Variants in SPTB observed in about 807,000 individuals in gnomAD.
SPTB encodes spectrin beta chain, erythrocytic.
A neutral mutation model predicts 256.2 loss-of-function variants in SPTB; 45 were observed. The ratio of observed to expected loss-of-function variants is 0.18; its 90% CI spans 0.14 to 0.23. The LOEUF is 0.23. SPTB is among the 10% of genes least tolerant of loss of function. The pLI is 1.00. For missense variants in SPTB, 2,715 were observed against 3,040.4 expected, an observed-to-expected ratio of 0.89 and a Z score of 2.52; for synonymous variants, 1,231 against 1,243.1, an observed-to-expected ratio of 0.99 and a Z score of 0.21.
rs1368939589 is a variant in SPTB at position 64,816,111 on chromosome 14, G to A, written c.148+6836C>T. Among the ~76,000 whole-genome samples, 5 of 152,102 alleles carry A rather than the reference G, an allele frequency of 3.3e-5. No individual in the cohort carries two copies. The highest frequency in any genetic ancestry group is 7.2e-5 in the African/African-American group (3 of 41,414). On this transcript the variant is annotated intron_variant, in intron 2 of 35. Coordinates refer to ENST00000644917, the MANE Select transcript of SPTB (RefSeq NM_001355436.2). The surrounding 1 kb of genome is among the most constrained non-coding windows in gnomAD (Gnocchi z 4.2). ...GAGCCCTAAAAACCCAAATCTAACC[G>A]TGTCATTTCCCTGCTGAAAGTACTT... is the stretch of plus-strand genomic sequence containing the variant.
intron 20 of SPTB, among the ~76,000 whole-genome samples, chr14:64,780,353 C>T (rs994993882): frequency 1.3e-5 from 2 of 152,240 alleles, no homozygotes; most frequent in Non-Finnish European, 2.9e-5. Flanking sequence ...AAGCAATTTA[C>T]AGATTCAATG....
Position 64,773,461 on chromosome 14 carries a change from A to G in SPTB, c.4974-37T>C, listed in dbSNP as rs762647918. ...AACCAAAAAGGCCCTCAGAGACGGCAGCCACGAACCCAGAGCCGTGGCTCC... is the reference window on the plus strand; with the variant it reads ...AACCAAAAAGGCCCTCAGAGACGGCGGCCACGAACCCAGAGCCGTGGCTCC... On this transcript the variant is annotated intron_variant, in intron 24 of 35. Coordinates refer to ENST00000644917, the MANE Select transcript of SPTB (RefSeq NM_001355436.2). 8 of 1,608,234 alleles carry G rather than the reference A, an allele frequency of 5.0e-6. No individual in the cohort carries two copies. The South Asian group carries it at 8.8e-5, about 18-fold the overall frequency.
intron 9 of SPTB, among the ~76,000 whole-genome samples, chr14:64,798,249 C>G (rs182479803): frequency 4.3e-4 from 66 of 152,304 alleles, no homozygotes; most frequent in South Asian, 3.1e-3. Flanking sequence ...TGGTCAGTTC[C>G]TTATTAAGTG....
chr14:64,877,123 C>A (rs1210702815), intron 1 of SPTB, among the ~76,000 whole-genome samples: 1 of 151,020 alleles, frequency 6.6e-6, no homozygotes, highest in Admixed American at 6.6e-5. Flanking sequence ...CTGGCCACTT[C>A]CAGGACTGAA....
intron 6 of SPTB, 76 bp from the exon 7 acceptor site, chr14:64,801,476 G>A: frequency 9.0e-7 from 1 of 1,113,938 alleles, no homozygotes; most frequent in Non-Finnish European, 1.4e-6. Context: ...GCATGAAGCA[G>A]ACATTGTACA....
At chr14:64,869,581 A>C (rs1017141542) in intron 1 of SPTB, among the ~76,000 whole-genome samples, 3 of 151,072 alleles carry the variant, frequency 2.0e-5, no homozygotes, top group Non-Finnish European at 4.4e-5. Context: ...AACAGCTGGG[A>C]CTACAGGTGT....
rs1229934732 is a variant in SPTB, at chr14:64,758,433, G to A, written c.6346-4640C>T. 6.6e-6 allele frequency among the ~76,000 whole-genome samples: 1 copy of A among 152,252 alleles called. No individual in the cohort carries two copies. The highest frequency in any genetic ancestry group is 6.5e-5 in the Admixed American group (1 of 15,288). ...GGCCCCACCCCTTTAGGGTAGTGCA[G>A]AAGTGGCCTGAGGCCCTGCCTCAAG... is the stretch of plus-strand genomic sequence containing the variant. On this transcript the variant is annotated intron_variant, in intron 32 of 35. Coordinates refer to ENST00000644917, the MANE Select transcript of SPTB (RefSeq NM_001355436.2). The surrounding 1 kb of genome is among the most constrained non-coding windows in gnomAD (Gnocchi z 4.6).
chr14:64,788,917 T>G (rs1462178936), intron 15 of SPTB, among the ~76,000 whole-genome samples: 1 of 152,234 alleles, frequency 6.6e-6, no homozygotes, highest in East Asian at 1.9e-4. Flanking sequence ...CACACATTCA[T>G]CAAGTGTTTG....
Position 64,782,271 on chromosome 14 carries a change from C to T in SPTB, c.4266+19G>A, listed in dbSNP as rs2082484726. 1 of 1,614,012 alleles carries T rather than the reference C, an allele frequency of 6.2e-7. No homozygotes were observed. Among genetic ancestry groups the T allele is most frequent in the East Asian group, 2.2e-5 (1 of 44,900 alleles). The stretch of plus-strand genomic sequence containing the variant: ...TCCCTTCTATCCTAACACTCTGAGT[C>T]TACAACCCACTCACGTGCCTTCAGC... On this transcript the variant is annotated intron_variant, in intron 20 of 35. Transcript: ENST00000644917.
chr14:64,782,704 CT>C (rs1419486418), intron 19 of SPTB, 151 bp from the exon 20 acceptor site: 12 of 1,226,200 alleles, frequency 9.8e-6, no homozygotes, highest in Non-Finnish European at 1.3e-5. Context: ...GAAATGAACT[CT>C]GAATCCCCAG....
At position 64,753,622 on chromosome 14, in the gene SPTB, G is replaced by C. The variant is rs1397889689; in HGVS notation, c.6517C>G (p.Arg2173Gly). The C allele has an allele frequency of 8.1e-6, 13 of 1,613,622 alleles. No individual in the cohort carries two copies. In the African/African-American group the frequency reaches 1.7e-4, roughly 22 times the overall value. ...ATCTGCACACTCTGCCCATGGTCCC[G>C]CGGGGCCGGCAGCGTTGCGGGCTCA... ...GDEPATLPAPRDHGQSVQMEG... is the reference protein window; with the variant it reads ...GDEPATLPAPGDHGQSVQMEG... The change falls in exon 33 of 36, where the codon CGG becomes GGG. Residue 2173 changes from arginine to glycine, a missense_variant. Coordinates refer to ENST00000644917, the MANE Select transcript of SPTB (RefSeq NM_001355436.2).
Position 64,786,095 on chromosome 14 carries a change from C to T in SPTB, c.3562-144G>A, listed in dbSNP as rs2082561224. 2.2e-6 allele frequency: 2 copies of T among 894,474 alleles called. No homozygotes were observed. Among genetic ancestry groups the T allele is most frequent in the East Asian group, 5.1e-5 (2 of 39,326 alleles). The allele number at this position is 894,474 out of a possible 1,614,324, so 55.4% of individuals were successfully genotyped here. On this transcript the variant is annotated intron_variant, in intron 16 of 35. Coordinates refer to ENST00000644917, the MANE Select transcript of SPTB (RefSeq NM_001355436.2). The surrounding 1 kb of genome is among the most constrained non-coding windows in gnomAD (Gnocchi z 5.6). Reference sequence around the variant, plus strand: ...AGTAGTACAGGGAGGAGGCACTACTCCCCAGGCCTTGCCCCCACCCCTACC... The same window carrying T: ...AGTAGTACAGGGAGGAGGCACTACTTCCCAGGCCTTGCCCCCACCCCTACC...
intron 33 of SPTB, among the ~76,000 whole-genome samples, chr14:64,753,085 G>T (rs915846078): frequency 1.3e-5 from 2 of 152,146 alleles, no homozygotes; most frequent in African/African-American, 2.4e-5. Context: ...GGACACCGAG[G>T]CCTAGACTGG....
chr14:64,860,644 C>G (rs755468741), intron 1 of SPTB, among the ~76,000 whole-genome samples: 3 of 152,106 alleles, frequency 2.0e-5, no homozygotes, highest in Non-Finnish European at 2.9e-5. Flanking sequence ...AGGACAGGTG[C>G]AATAAGTTCA....
chr14:64,875,705 G>C (rs1048469317), intron 1 of SPTB, among the ~76,000 whole-genome samples: 3 of 152,118 alleles, frequency 2.0e-5, no homozygotes, highest in Non-Finnish European at 4.4e-5. Context: ...GTCAATACAA[G>C]CTGCTTCAAA....
At chr14:64,877,850 G>T (rs1229148187) in intron 1 of SPTB, among the ~76,000 whole-genome samples, 9 of 152,198 alleles carry the variant, frequency 5.9e-5, no homozygotes, top group Admixed American at 3.9e-4. Context: ...TCTTGCTCCT[G>T]TCATACCTTC....
intron 31 of SPTB, 87 bp downstream of exon 31, chr14:64,767,216 G>C: frequency 6.5e-7 from 1 of 1,544,028 alleles, no homozygotes; most frequent in South Asian, 1.1e-5. Context: ...AATGCAACTG[G>C]TCCCAATGTC....
At chr14:64,838,739 C>T (rs1307675099) in intron 1 of SPTB, among the ~76,000 whole-genome samples, 1 of 152,098 alleles carries the variant, frequency 6.6e-6, no homozygotes, top group African/African-American at 2.4e-5. Context: ...TCTGCAGTTT[C>T]TTATAAAATT....
At position 64,749,224 on chromosome 14, in the gene SPTB, G is replaced by GGGC; in HGVS notation, c.*79_*81dup. The GGGC allele has an allele frequency of 6.7e-7, 1 of 1,488,162 alleles. No individual in the cohort carries two copies. The highest frequency in any genetic ancestry group is 1.2e-5 in the South Asian group (1 of 82,560). The allele number at this position is 1,488,162 out of a possible 1,614,324, so 92.2% of individuals were successfully genotyped here. On this transcript the variant is annotated 3_prime_UTR_variant, in exon 36 of 36. Coordinates refer to ENST00000644917, the MANE Select transcript of SPTB (RefSeq NM_001355436.2). This position sits in a 1 kb window ranked among gnomAD's most constrained non-coding sequence, Gnocchi z 4.7. ...CTCGACTCATCTCGATTCGACCGGC[G>GGGC]GGCGGCGGCGAGAGGAGGCCAAGGC...
Sources: gnomAD v4.1 joint callset for allele counts (sites outside exome capture counted in the v4.1 genomes callset) on GRCh38, gnomAD v4.1.1 for gene constraint, Gnocchi (gnomAD v3.1) non-coding constraint, MANE v1.5 for transcripts, NCBI Gene and HGNC (gene_info 2026-07-23, HGNC 2026-07-21) for gene names.